C4orf50: variants seen among roughly 807,000 people sequenced by gnomAD.
C4orf50 encodes chromosome 4 open reading frame 50, also known as uncharacterized protein C4orf50.
Under a neutral mutation model 77.2 loss-of-function variants are expected in C4orf50, and 80 were observed. That is an observed-to-expected ratio of 1.04 (90% CI 0.87 to 1.25). The LOEUF is 1.25. C4orf50 is among the 50% of genes most tolerant of loss of function. C4orf50 has a pLI of 0.00. For missense variants in C4orf50, 1,257 were observed against 1,152.9 expected, an observed-to-expected ratio of 1.09 and a Z score of -1.31; for synonymous variants, 532 against 465.3, an observed-to-expected ratio of 1.14 and a Z score of -1.84.
intron 31 of C4orf50, among the ~76,000 whole-genome samples, chr4:5,969,649 T>C (rs1408657973): frequency 6.6e-6 from 1 of 152,114 alleles, no homozygotes; most frequent in Non-Finnish European, 1.5e-5. Context: ...TGACAGGTGC[T>C]GTGCCAGGCA....
chr4:5,939,244 A>G (rs930521383), intron 7 of C4orf50, among the ~76,000 whole-genome samples: 5 of 151,594 alleles, frequency 3.3e-5, no homozygotes, highest in Non-Finnish European at 5.9e-5. Flanking sequence ...ACTCTGTCTC[A>G]AAAAAAAAGA....
At chr4:5,906,421 A>G (rs1716552645) in intron 7 of C4orf50, among the ~76,000 whole-genome samples, 1 of 152,188 alleles carries the variant, frequency 6.6e-6, no homozygotes. Context: ...GGGAGAATAC[A>G]GGCTGGGAGG....
rs1045333563 is a variant in C4orf50, at chr4:5,970,547, G to A, written c.4105-3085C>T. On this transcript the variant is annotated intron_variant, in intron 31 of 33. Coordinates refer to ENST00000531445, the Ensembl canonical transcript of C4orf50. This position sits in a 1 kb window ranked among gnomAD's most constrained non-coding sequence, Gnocchi z 4.3. ...AACAGCAGATGCCAGCACAGACAGC[G>A]GTGCTGGGACCCGTGGCCCCCAGCC... Among the ~76,000 whole-genome samples, 3 of 152,174 alleles carry A rather than the reference G, an allele frequency of 2.0e-5. No individual in the cohort carries two copies. The highest frequency in any genetic ancestry group is 2.1e-4 in the South Asian group (1 of 4,824).
intron 31 of C4orf50, among the ~76,000 whole-genome samples, chr4:5,972,440 G>A (rs755835475): frequency 1.3e-5 from 2 of 152,184 alleles, no homozygotes; most frequent in Non-Finnish European, 2.9e-5. Flanking sequence ...TACCCCTTGG[G>A]CAAAGAGAAG....
intron 25 of C4orf50, among the ~76,000 whole-genome samples, chr4:6,004,016 A>G (rs2108803930): frequency 1.9e-4 from 21 of 111,812 alleles, no homozygotes; most frequent in East Asian, 3.5e-4. Flanking sequence ...TGATGATGTG[A>G]TGGTGATAAT....
intron 31 of C4orf50, among the ~76,000 whole-genome samples, chr4:5,969,390 T>C (rs1352669283): frequency 1.3e-5 from 2 of 150,642 alleles, no homozygotes; most frequent in South Asian, 2.1e-4. Flanking sequence ...TTAGACCAGA[T>C]TCCATTTCCA....
intron 28 of C4orf50, among the ~76,000 whole-genome samples, chr4:5,981,375 G>T (rs901402991): frequency 6.7e-6 from 1 of 149,868 alleles, no homozygotes; most frequent in Non-Finnish European, 1.5e-5. Flanking sequence ...TCATCAGGGG[G>T]TATTTCCAGG....
At chr4:5,980,534 A>G (rs1190865314) in intron 28 of C4orf50, among the ~76,000 whole-genome samples, 196 bp from the exon 7 acceptor site, 2 of 152,078 alleles carry the variant, frequency 1.3e-5, no homozygotes, top group East Asian at 3.9e-4. Flanking sequence ...ATCCTGTAGA[A>G]TCTTTATTAT....
In C4orf50 at chr4:5,973,584, G is replaced by A. The variant is rs1012959639; in HGVS notation, c.4104+75C>T. 1.4e-5 allele frequency: 18 copies of A among 1,265,970 alleles called. No individual in the cohort carries two copies. In the African/African-American group the frequency reaches 2.5e-4, roughly 18 times the overall value. The allele number at this position is 1,265,970 out of a possible 1,614,324, so 78.4% of individuals were successfully genotyped here. A position where few individuals can be genotyped will look rare whatever the true frequency, so the allele number is the denominator to read the frequency against. On this transcript the variant is annotated intron_variant, in intron 31 of 33. Transcript: ENST00000531445. Reference sequence around the variant, plus strand: ...AGGGAGGAAAGGAGGGGCTGCTCCAGTCAGGCAGGGGCATGCAAGGGACGC... The same window carrying A: ...AGGGAGGAAAGGAGGGGCTGCTCCAATCAGGCAGGGGCATGCAAGGGACGC...
At chr4:5,955,997 T>C (rs566936520), downstream of C4orf50, among the ~76,000 whole-genome samples, 1 of 152,212 alleles carries the variant, frequency 6.6e-6, no homozygotes, top group Admixed American at 6.5e-5. The surrounding 1 kb of genome is among the most constrained non-coding windows in gnomAD (Gnocchi z 5.1). Context: ...AAATGACAAA[T>C]GTTAACCTCC....
chr4:5,973,498 G>C (rs1327038867), intron 31 of C4orf50, among the ~76,000 whole-genome samples, 161 bp downstream of exon 9: 4 of 152,194 alleles, frequency 2.6e-5, no homozygotes, highest in African/African-American at 9.7e-5. Flanking sequence ...CCAGGGCATG[G>C]GCATGGGCAC....
rs1304443896 is a variant in C4orf50 at position 6,015,096 on chromosome 4, A to G, written c.287+3049T>C. On this transcript the variant is annotated intron_variant, in intron 23 of 33. Coordinates refer to ENST00000531445, the Ensembl canonical transcript of C4orf50. The surrounding 1 kb of genome is among the most constrained non-coding windows in gnomAD (Gnocchi z 4.4). ...TATGGGCCTACGCTGCTAGTCTCTCAGCCCAGGGCCCTGCCTTCCCCAACT... is the reference window on the plus strand; with the variant it reads ...TATGGGCCTACGCTGCTAGTCTCTCGGCCCAGGGCCCTGCCTTCCCCAACT... Among the ~76,000 whole-genome samples the G allele has an allele frequency of 2.0e-5, 3 of 152,196 alleles. No homozygotes were observed. Among genetic ancestry groups the G allele is most frequent in the Admixed American group, 6.5e-5 (1 of 15,282 alleles).
In C4orf50 at chr4:5,900,975, G is replaced by A. The variant is rs531710034; in HGVS notation, c.*2475-2787C>T. ...ACCATTTGTATGTCTTGCATTTGTT[G>A]CAGCCCATTGGTCTGCAGAGCGATC... On this transcript the variant is annotated intron_variant, in intron 7 of 7. Coordinates refer to the C4orf50 transcript ENST00000324058. This position sits in a 1 kb window ranked among gnomAD's most constrained non-coding sequence, Gnocchi z 4.3. 6.6e-6 allele frequency: 1 copy of A among 152,330 alleles called. No homozygotes were observed. Among genetic ancestry groups the A allele is most frequent in the South Asian group, 2.1e-4 (1 of 4,818 alleles). 9.4% of individuals were successfully genotyped at this position (152,330 alleles called of 1,614,324 possible).
chr4:6,005,634 G>A (rs1184316117), intron 25 of C4orf50, among the ~76,000 whole-genome samples: 1 of 152,168 alleles, frequency 6.6e-6, no homozygotes, highest in Non-Finnish European at 1.5e-5. Flanking sequence ...AACTCCCTGG[G>A]TCTCAGCTTC....
Position 5,912,137 on chromosome 4 carries a change from C to T in C4orf50, c.*2475-13949G>A, listed in dbSNP as rs189169841. Among the ~76,000 whole-genome samples, 11 of 152,102 alleles carry T rather than the reference C, an allele frequency of 7.2e-5. No homozygotes were observed. The East Asian group carries it at 2.1e-3, about 29-fold the overall frequency. On this transcript the variant is annotated intron_variant, in intron 7 of 7. Coordinates refer to the C4orf50 transcript ENST00000324058. ...CTGATTTTCGGCATTTTTTAATTTC[C>T]GTGGTGTAAACACTCCTACTATGGC...
intron 7 of C4orf50, among the ~76,000 whole-genome samples, chr4:5,931,460 C>T (rs761875319): frequency 2.6e-5 from 4 of 152,196 alleles, no homozygotes; most frequent in Non-Finnish European, 5.9e-5. Flanking sequence ...TACCAGGATT[C>T]TCATGTCACA....
downstream of C4orf50, among the ~76,000 whole-genome samples, chr4:5,954,663 AG>A (rs1255082187): frequency 6.6e-6 from 1 of 152,130 alleles, no homozygotes; most frequent in Non-Finnish European, 1.5e-5. The surrounding 1 kb of genome is among the most constrained non-coding windows in gnomAD (Gnocchi z 4.7). Context: ...CATTTTAAAA[AG>A]GGTCAAACCA....
At chr4:5,944,525 C>T (rs1049252851) in intron 7 of C4orf50, among the ~76,000 whole-genome samples, 1 of 152,190 alleles carries the variant, frequency 6.6e-6, no homozygotes, top group African/African-American at 2.4e-5. Flanking sequence ...TCCAGAGTCA[C>T]ATGGCCCACT....
At chr4:5,964,499 G>A (rs1161495950) in intron 33 of C4orf50, among the ~76,000 whole-genome samples, 3 of 152,104 alleles carry the variant, frequency 2.0e-5, no homozygotes, top group Non-Finnish European at 4.4e-5. Flanking sequence ...GCTGGGTATG[G>A]TGGCTCATGC....
Sources: gnomAD v4.1 joint callset for allele counts (sites outside exome capture counted in the v4.1 genomes callset) on GRCh38, gnomAD v4.1.1 for gene constraint, Gnocchi (gnomAD v3.1) non-coding constraint, MANE v1.5 for transcripts, NCBI Gene and HGNC (gene_info 2026-07-23, HGNC 2026-07-21) for gene names.